TNS1: variants seen among roughly 807,000 people sequenced by gnomAD.
The protein encoded by TNS1 is tensin-1.
In TNS1, 62 loss-of-function variants were observed where a neutral mutation model predicts 168.6. The observed-to-expected ratio is 0.37, with a 90% CI of 0.30 to 0.45. The LOEUF (loss-of-function observed/expected upper bound fraction) is 0.45, where lower values mean the gene tolerates loss of function less well. TNS1 is among the 20% of genes least tolerant of loss of function. The pLI is 1.00. For synonymous variants in TNS1, 934 were observed against 933.2 expected (o/e 1.00, Z -0.02); for missense variants, 2,240 against 2,339.4 (o/e 0.96, Z 0.88).
At chr2:217,897,080 A>G (rs962049966) in intron 8 of TNS1, among the ~76,000 whole-genome samples, 11 of 152,296 alleles carry the variant, frequency 7.2e-5, no homozygotes, top group African/African-American at 2.6e-4. Context: ...AGCCTCCTAC[A>G]TCCCACCTCA....
At chr2:217,997,446 T>C (rs1391422335) in intron 1 of TNS1, among the ~76,000 whole-genome samples, 1 of 152,222 alleles carries the variant, frequency 6.6e-6, no homozygotes, top group African/African-American at 2.4e-5. Context: ...CATTTTTCTT[T>C]CTGACACTGA....
At chr2:217,838,418 T>C (rs1945465819) in intron 19 of TNS1, among the ~76,000 whole-genome samples, 1 of 152,200 alleles carries the variant, frequency 6.6e-6, no homozygotes. Context: ...CAGTCAGCCA[T>C]CTGAGGGTGA....
chr2:217,961,204 C>T (rs180988202), intron 3 of TNS1, among the ~76,000 whole-genome samples: 2 of 151,528 alleles, frequency 1.3e-5, no homozygotes, highest in East Asian at 3.9e-4. Flanking sequence ...GGTTTCCCAC[C>T]ACCATCTCAG....
At chr2:217,895,081 C>T in intron 8 of TNS1, 25 bp from the exon 9 acceptor site, 2 of 1,603,666 alleles carry the variant, frequency 1.2e-6, no homozygotes, top group Non-Finnish European at 1.7e-6. Context: ...AGGAAGAGAG[C>T]ATGAGGAGGT....
rs1283511880 is a variant in TNS1 at position 217,884,881 on chromosome 2, C to T, written c.1246+154G>A. 2.0e-5 allele frequency among the ~76,000 whole-genome samples: 3 copies of T among 152,208 alleles called. 1 individual carries two copies. ...AGACCATCCAATCTCAACTCTCTCCCAAGTCTCTCTCAACTCTCTCCTACC... is the reference window on the plus strand; with the variant it reads ...AGACCATCCAATCTCAACTCTCTCCTAAGTCTCTCTCAACTCTCTCCTACC... On this transcript the variant is annotated intron_variant, in intron 16 of 32. Coordinates refer to ENST00000682258, the MANE Select transcript of TNS1 (RefSeq NM_001387777.1).
intron 19 of TNS1, among the ~76,000 whole-genome samples, chr2:217,846,522 C>A (rs1018112109): frequency 8.5e-5 from 13 of 152,208 alleles, no homozygotes; most frequent in African/African-American, 2.9e-4. Context: ...TGAGCTCCCA[C>A]CACCCTGTCA....
chr2:217,910,934 A>G (rs1428715379), intron 4 of TNS1, among the ~76,000 whole-genome samples: 1 of 152,088 alleles, frequency 6.6e-6, no homozygotes, highest in East Asian at 1.9e-4. Context: ...CCAGGTTTGT[A>G]AAGCCCACTG....
rs1950386515 is a variant in TNS1 at position 217,878,404 on chromosome 2, T to C, written c.1429+2494A>G. ...CAGCACAGGGGGCAACGCGGTGGCT[T>C]GAAACCCAGATCTGCTCTTGACTGG... is the stretch of plus-strand genomic sequence containing the variant. On this transcript the variant is annotated intron_variant, in intron 18 of 32. Coordinates refer to ENST00000682258, the MANE Select transcript of TNS1 (RefSeq NM_001387777.1). Among the ~76,000 whole-genome samples the C allele has an allele frequency of 2.0e-5, 3 of 152,138 alleles. No individual in the cohort carries two copies. In the South Asian group the frequency reaches 6.2e-4, roughly 32 times the overall value.
At chr2:218,005,231 T>C (rs1343585742), upstream of TNS1, among the ~76,000 whole-genome samples, 2 of 152,228 alleles carry the variant, frequency 1.3e-5, no homozygotes, top group African/African-American at 4.8e-5. Context: ...AGAAGTCACC[T>C]TGGGGCTTCC....
intron 3 of TNS1, among the ~76,000 whole-genome samples, chr2:217,966,767 A>T (rs926631785): frequency 2.0e-5 from 3 of 152,172 alleles, no homozygotes; most frequent in Non-Finnish European, 4.4e-5. Flanking sequence ...TCATGAAGTC[A>T]CAGCTGTGGG....
At chr2:217,837,211 T>C (rs1945289741) in intron 19 of TNS1, among the ~76,000 whole-genome samples, 1 of 152,128 alleles carries the variant, frequency 6.6e-6, no homozygotes, top group Admixed American at 6.5e-5. Flanking sequence ...GGTCAGCGTG[T>C]GTGCACACAC....
chr2:217,993,147 T>C lies in TNS1; in HGVS notation c.34-2091A>G, dbSNP rs1958408567. ...ACAGTAGCATAGGTGTGCAGTAGGC[T>C]GTACCGTCTGGGTATATATAAGTAC... is the stretch of plus-strand genomic sequence containing the variant. On this transcript the variant is annotated intron_variant, in intron 1 of 32. Coordinates refer to ENST00000682258, the MANE Select transcript of TNS1 (RefSeq NM_001387777.1). 2.0e-5 allele frequency among the ~76,000 whole-genome samples: 3 copies of C among 152,340 alleles called. No homozygotes were observed. In the South Asian group the frequency reaches 6.2e-4, roughly 32 times the overall value.
intron 18 of TNS1, among the ~76,000 whole-genome samples, chr2:217,871,106 A>G (rs938031702): frequency 1.3e-5 from 2 of 152,150 alleles, no homozygotes; most frequent in Non-Finnish European, 2.9e-5. Context: ...GTCCCTCAAC[A>G]TCACTGCCCA....
intron 18 of TNS1, among the ~76,000 whole-genome samples, chr2:217,856,265 G>A (rs1267727640): frequency 2.0e-5 from 3 of 152,254 alleles, no homozygotes; most frequent in South Asian, 4.1e-4. Context: ...AACCTGCCAG[G>A]GGAAGTGATG....
chr2:217,830,695 C>T (rs1018752215), intron 22 of TNS1, among the ~76,000 whole-genome samples: 4 of 152,280 alleles, frequency 2.6e-5, no homozygotes, highest in African/African-American at 4.8e-5. Context: ...CTCCTTCCTT[C>T]CTCAGAGCTT....
chr2:217,825,010 C>T (rs1442761426), intron 22 of TNS1, among the ~76,000 whole-genome samples: 2 of 152,116 alleles, frequency 1.3e-5, no homozygotes, highest in African/African-American at 2.4e-5. Flanking sequence ...CCAGCCCCAT[C>T]CAGAGACACA....
intron 19 of TNS1, among the ~76,000 whole-genome samples, chr2:217,839,269 T>A (rs952632194): frequency 6.6e-6 from 1 of 152,052 alleles, no homozygotes; most frequent in African/African-American, 2.4e-5. Context: ...CAACAAAGTA[T>A]CTTTAGGACC....
chr2:217,998,949 G>T (rs866493771), intron 1 of TNS1, among the ~76,000 whole-genome samples: 17 of 152,324 alleles, frequency 1.1e-4, no homozygotes, highest in Middle Eastern at 3.4e-3. Context: ...GCCAGTATGT[G>T]CAAGCAGCTT....
At position 218,032,408 on chromosome 2, in the gene TNS1, G is replaced by A. The variant is rs186023665; in HGVS notation, c.156+1412C>T. On this transcript the variant is annotated intron_variant, in intron 1 of 1. Transcript: ENST00000649572. This position sits in a 1 kb window ranked among gnomAD's most constrained non-coding sequence, Gnocchi z 4.0. Reference sequence around the variant, plus strand: ...GATGTGGCCTGGGTAGGAGAGGGCTGTGCTGAGGGGACAGGAGAATAGCGA... The same window carrying A: ...GATGTGGCCTGGGTAGGAGAGGGCTATGCTGAGGGGACAGGAGAATAGCGA... 7.2e-5 allele frequency among the ~76,000 whole-genome samples: 11 copies of A among 152,152 alleles called. No individual in the cohort carries two copies. The highest frequency in any genetic ancestry group is 1.3e-4 in the Non-Finnish European group (9 of 68,028).
Sources: gnomAD v4.1 joint callset for allele counts (sites outside exome capture counted in the v4.1 genomes callset) on GRCh38, gnomAD v4.1.1 for gene constraint, Gnocchi (gnomAD v3.1) non-coding constraint, MANE v1.5 for transcripts, NCBI Gene and HGNC (gene_info 2026-07-23, HGNC 2026-07-21) for gene names.